Variants in GPC5 observed in about 807,000 individuals in gnomAD.
GPC5 encodes the protein glypican 5, also known as glypican-5.
GPC5 carries 47 observed loss-of-function variants against 53.9 expected under a neutral mutation model. That is an observed-to-expected ratio of 0.87 (90% CI 0.69 to 1.11). The LOEUF (loss-of-function observed/expected upper bound fraction) is 1.11, where lower values mean the gene tolerates loss of function less well. Among genes scored for constraint, GPC5 ranks in the 50% most tolerant of loss-of-function variants. GPC5 has a pLI of 0.00. For missense variants in GPC5, 748 were observed against 713.1 expected (o/e 1.05, Z -0.56); for synonymous variants, 286 against 263.3 (o/e 1.09, Z -0.84).
intron 7 of GPC5, among the ~76,000 whole-genome samples, chr13:92,284,858 G>T (rs527712996): frequency 8.5e-5 from 13 of 152,132 alleles, no homozygotes; most frequent in African/African-American, 2.9e-4. Flanking sequence ...CTCTCACCAC[G>T]CCTATTCAAC....
chr13:92,361,466 C>A (rs539160714), intron 7 of GPC5, among the ~76,000 whole-genome samples: 4 of 151,806 alleles, frequency 2.6e-5, no homozygotes, highest in Non-Finnish European at 5.9e-5. Flanking sequence ...TAGATTTTGA[C>A]CAATAGCCAG....
At chr13:92,864,962 G>A (rs1879294991) in intron 7 of GPC5, among the ~76,000 whole-genome samples, 1 of 152,062 alleles carries the variant, frequency 6.6e-6, no homozygotes, top group Non-Finnish European at 1.5e-5. Context: ...ATTTGTGGCT[G>A]TAGTAACAAT....
intron 5 of GPC5, among the ~76,000 whole-genome samples, chr13:91,763,960 T>A (rs1017150219): frequency 1.9e-4 from 29 of 152,232 alleles, no homozygotes; most frequent in Non-Finnish European, 5.9e-5. Flanking sequence ...CTAAATATAG[T>A]ACCTAATACA....
At chr13:92,768,957 C>T (rs920667274) in intron 7 of GPC5, among the ~76,000 whole-genome samples, 1 of 152,090 alleles carries the variant, frequency 6.6e-6, no homozygotes, top group South Asian at 2.1e-4. Flanking sequence ...CCATAGATCA[C>T]CCGTGCTGAC....
At chr13:92,435,588 T>C (rs555902679) in intron 7 of GPC5, among the ~76,000 whole-genome samples, 7 of 152,266 alleles carry the variant, frequency 4.6e-5, no homozygotes, top group Non-Finnish European at 7.3e-5. Flanking sequence ...AAGACAAAGT[T>C]TGAAATGTCT....
At chr13:91,847,806 T>C (rs981764583) in intron 5 of GPC5, among the ~76,000 whole-genome samples, 5 of 152,224 alleles carry the variant, frequency 3.3e-5, no homozygotes, top group Non-Finnish European at 5.9e-5. Context: ...GTTAGACATA[T>C]TTTGACAGGA....
At chr13:92,830,732 A>G (rs936145523) in intron 7 of GPC5, among the ~76,000 whole-genome samples, 1 of 152,140 alleles carries the variant, frequency 6.6e-6, no homozygotes, top group Admixed American at 6.6e-5. Context: ...TGAAATGGGA[A>G]AAAATTTAAA....
At chr13:91,908,626 A>G (rs1594656524) in intron 6 of GPC5, among the ~76,000 whole-genome samples, 1 of 152,292 alleles carries the variant, frequency 6.6e-6, no homozygotes, top group African/African-American at 2.4e-5. Context: ...TGTTTTTAAT[A>G]CATGGCAAAT....
chr13:91,567,407 TA>T (rs896738315), intron 2 of GPC5, among the ~76,000 whole-genome samples: 6 of 152,088 alleles, frequency 3.9e-5, no homozygotes, highest in Non-Finnish European at 5.9e-5. Context: ...TGTTTTTAAC[TA>T]AAAAAAGGGG....
chr13:92,414,793 G>A (rs1025656890), intron 7 of GPC5, among the ~76,000 whole-genome samples: 1 of 152,152 alleles, frequency 6.6e-6, no homozygotes, highest in Non-Finnish European at 1.5e-5. Context: ...CCCACTTTCT[G>A]GTTCATAGAT....
chr13:92,053,756 C>A (rs1163898342), intron 6 of GPC5, among the ~76,000 whole-genome samples: 1 of 151,798 alleles, frequency 6.6e-6, no homozygotes, highest in African/African-American at 2.4e-5. Context: ...CATGGCCGGG[C>A]GCGGTGGTTT....
intron 5 of GPC5, among the ~76,000 whole-genome samples, chr13:91,886,956 C>A (rs1171838229): frequency 1.3e-5 from 2 of 152,040 alleles, no homozygotes; most frequent in Admixed American, 6.6e-5. Flanking sequence ...GGATGGTGGC[C>A]CTCTTCTCAC....
intron 7 of GPC5, among the ~76,000 whole-genome samples, chr13:92,287,356 T>C (rs2042963224): frequency 6.6e-6 from 1 of 152,178 alleles, no homozygotes; most frequent in Admixed American, 6.5e-5. Context: ...GCGTGTTCTT[T>C]AAGTGTCTGT....
intron 6 of GPC5, among the ~76,000 whole-genome samples, chr13:91,932,422 A>G (rs1447426507): frequency 1.3e-5 from 2 of 152,046 alleles, no homozygotes; most frequent in African/African-American, 4.8e-5. Context: ...CTCTGAATTT[A>G]GTACTTGCTG....
intron 7 of GPC5, among the ~76,000 whole-genome samples, chr13:92,400,195 C>T (rs1055252584): frequency 2.0e-5 from 3 of 152,050 alleles, no homozygotes; most frequent in Admixed American, 6.6e-5. Flanking sequence ...AAGCATAAAG[C>T]GGCACTAATA....
At chr13:91,484,949 AT>A (rs1883506846) in intron 2 of GPC5, among the ~76,000 whole-genome samples, 1 of 152,242 alleles carries the variant, frequency 6.6e-6, no homozygotes, top group Non-Finnish European at 1.5e-5. Flanking sequence ...ACATTGCTGT[AT>A]TCTATGATTG....
chr13:92,468,000 C>G (rs9556177), intron 7 of GPC5, among the ~76,000 whole-genome samples: 55,423 of 151,852 alleles, frequency 0.36, 10,956 homozygotes, highest in Middle Eastern at 0.5. Context: ...TCCTCTATTA[C>G]AAATTGAAAT....
intron 2 of GPC5, among the ~76,000 whole-genome samples, chr13:91,643,697 G>A (rs2034488920): frequency 6.6e-6 from 1 of 152,140 alleles, no homozygotes; most frequent in Admixed American, 6.5e-5. Flanking sequence ...GCAGCTTGCT[G>A]GCAATGGCAT....
At chr13:92,847,808 T>G (rs922117416) in intron 7 of GPC5, among the ~76,000 whole-genome samples, 18 of 152,196 alleles carry the variant, frequency 1.2e-4, no homozygotes, top group Non-Finnish European at 2.2e-4. Context: ...AAGTGCTAAC[T>G]ATATAGGGGC....
Sources: allele counts gnomAD v4.1 joint callset (sites outside exome capture counted in the v4.1 genomes callset), GRCh38; gene constraint gnomAD v4.1.1; transcripts MANE v1.5; gene names NCBI Gene and HGNC (gene_info 2026-07-23, HGNC 2026-07-21).